Variants in HS3ST3A1 observed in about 807,000 individuals in gnomAD.
The protein encoded by HS3ST3A1 is heparan sulfate-glucosamine 3-sulfotransferase 3A1, also known as heparan sulfate glucosamine 3-O-sulfotransferase 3A1.
A neutral mutation model predicts 25.7 loss-of-function variants in HS3ST3A1; 19 were observed. The observed-to-expected ratio is 0.74, with a 90% CI of 0.52 to 1.08. HS3ST3A1 has a LOEUF of 1.08. HS3ST3A1 is among the 50% of genes least tolerant of loss of function. HS3ST3A1 has a pLI of 0.00. For synonymous variants in HS3ST3A1, 226 were observed against 278.6 expected (o/e 0.81, Z 1.88); for missense variants, 459 against 594.3 (o/e 0.77, Z 2.37).
chr17:13,524,360 C>A (rs928042930), intron 1 of HS3ST3A1, among the ~76,000 whole-genome samples: 1 of 152,194 alleles, frequency 6.6e-6, no homozygotes, highest in East Asian at 1.9e-4. Context: ...AGGGCTCAAG[C>A]GATCCTCCTG....
intron 1 of HS3ST3A1, among the ~76,000 whole-genome samples, chr17:13,505,604 G>A (rs377470149): frequency 6.6e-6 from 1 of 151,772 alleles, no homozygotes; most frequent in East Asian, 1.9e-4. Context: ...TAATCGGTGA[G>A]GCTAGATAGC....
rs542741208 is a variant in HS3ST3A1, at chr17:13,571,949, G to A, written c.599+28582C>T. Among the ~76,000 whole-genome samples the A allele has an allele frequency of 2.0e-5, 3 of 152,122 alleles. 1 individual carries two copies. The South Asian group carries it at 6.2e-4, about 32-fold the overall frequency. ...TAATTTTTGTATTTTTAGTACAGAC[G>A]GGGTTTCGCCACACTAGCCAGTTGG... is the stretch of plus-strand genomic sequence containing the variant. On this transcript the variant is annotated intron_variant, in intron 1 of 1. Coordinates refer to ENST00000284110, the MANE Select transcript of HS3ST3A1 (RefSeq NM_006042.3).
At chr17:13,527,152 C>A (rs1906457435) in intron 1 of HS3ST3A1, among the ~76,000 whole-genome samples, 1 of 152,126 alleles carries the variant, frequency 6.6e-6, no homozygotes, top group Non-Finnish European at 1.5e-5. Context: ...AGGACTGAAC[C>A]CAGACAGCCT....
intron 1 of HS3ST3A1, among the ~76,000 whole-genome samples, chr17:13,595,575 T>G (rs1313598635): frequency 6.6e-6 from 1 of 152,194 alleles, no homozygotes; most frequent in Non-Finnish European, 1.5e-5. Flanking sequence ...TAGAGGCACA[T>G]ATTTAATAAG....
intron 1 of HS3ST3A1, among the ~76,000 whole-genome samples, chr17:13,529,182 T>G (rs954770069): frequency 2.0e-5 from 3 of 152,206 alleles, no homozygotes; most frequent in Non-Finnish European, 4.4e-5. Context: ...TAGCACCTGC[T>G]ATTTGTTAAG....
intron 1 of HS3ST3A1, among the ~76,000 whole-genome samples, chr17:13,521,864 GATGGATA>G (rs1388185363): frequency 1.4e-4 from 21 of 152,160 alleles, no homozygotes; most frequent in Non-Finnish European, 2.8e-4. Context: ...GACGTTCCAG[GATGGATA>G]ATTCTTTGTT....
At position 13,517,985 on chromosome 17, in the gene HS3ST3A1, A is replaced by C. The variant is rs539391463; in HGVS notation, c.600-21167T>G. On this transcript the variant is annotated intron_variant, in intron 1 of 1. Coordinates refer to ENST00000284110, the MANE Select transcript of HS3ST3A1 (RefSeq NM_006042.3). ...ATAGAGTTTTATTATAGTTTATCAG[A>C]GTCAACTGGGAGAGGAAGGATTCTA... is the stretch of plus-strand genomic sequence containing the variant. 1.2e-4 allele frequency among the ~76,000 whole-genome samples: 18 copies of C among 152,302 alleles called. 1 individual carries two copies. The South Asian group carries it at 3.5e-3, about 30-fold the overall frequency.
At chr17:13,593,170 C>T (rs1567632517) in intron 1 of HS3ST3A1, among the ~76,000 whole-genome samples, 1 of 150,066 alleles carries the variant, frequency 6.7e-6, no homozygotes, top group East Asian at 2.0e-4. Context: ...CAGCTCTGGC[C>T]CTATCTATTT....
intron 1 of HS3ST3A1, among the ~76,000 whole-genome samples, chr17:13,541,299 G>T (rs1315057267): frequency 6.6e-6 from 1 of 152,186 alleles, no homozygotes; most frequent in Admixed American, 6.5e-5. Context: ...TCACTGGCGG[G>T]TGATGCTGAG....
chr17:13,529,302 A>G (rs1414892424), intron 1 of HS3ST3A1, among the ~76,000 whole-genome samples: 2 of 152,196 alleles, frequency 1.3e-5, no homozygotes, highest in Non-Finnish European at 2.9e-5. Context: ...AGAAAATGGC[A>G]GTTAATATTC....
intron 1 of HS3ST3A1, among the ~76,000 whole-genome samples, chr17:13,545,697 A>G (rs952216374): frequency 4.6e-5 from 7 of 152,214 alleles, no homozygotes; most frequent in African/African-American, 1.7e-4. Context: ...ACATCCAGCA[A>G]AATGCTAAAA....
intron 1 of HS3ST3A1, among the ~76,000 whole-genome samples, chr17:13,507,272 G>C (rs1012001654): frequency 6.6e-6 from 1 of 152,088 alleles, no homozygotes; most frequent in Non-Finnish European, 1.5e-5. Flanking sequence ...ATTATTTCTT[G>C]AGTCTCACAA....
chr17:13,498,181 T>C (rs1428386638), intron 1 of HS3ST3A1, among the ~76,000 whole-genome samples: 1 of 152,220 alleles, frequency 6.6e-6, no homozygotes, highest in Admixed American at 6.5e-5. Flanking sequence ...AATGGATTAA[T>C]AAGTATTCCT....
intron 1 of HS3ST3A1, among the ~76,000 whole-genome samples, chr17:13,534,050 A>G (rs1053190182): frequency 4.4e-4 from 67 of 152,258 alleles, no homozygotes; most frequent in African/African-American, 1.5e-3. Context: ...TTGTTATGAA[A>G]CCATAACCTG....
intron 1 of HS3ST3A1, among the ~76,000 whole-genome samples, chr17:13,562,224 G>T (rs1328068074): frequency 6.6e-6 from 1 of 152,164 alleles, no homozygotes; most frequent in East Asian, 1.9e-4. Context: ...GCCGCAGCCT[G>T]CAAGAGTGGA....
chr17:13,503,158 A>G (rs1429190833), intron 1 of HS3ST3A1, among the ~76,000 whole-genome samples: 2 of 138,364 alleles, frequency 1.4e-5, no homozygotes, highest in Non-Finnish European at 3.0e-5. Flanking sequence ...CTAGCAAGAG[A>G]GCAAGACTCC....
intron 1 of HS3ST3A1, among the ~76,000 whole-genome samples, chr17:13,560,329 CTACA>C (rs140966786): frequency 0.083 from 5,627 of 67,624 alleles, 162 homozygotes; most frequent in African/African-American, 0.11. Flanking sequence ...AGTGTATTAC[CTACA>C]TACTCTTCAA....
intron 1 of HS3ST3A1, among the ~76,000 whole-genome samples, chr17:13,521,585 C>T (rs1017905362): frequency 6.6e-6 from 1 of 152,160 alleles, no homozygotes; most frequent in South Asian, 2.1e-4. Flanking sequence ...AACGTTTAAC[C>T]TCAACGTGCC....
intron 1 of HS3ST3A1, among the ~76,000 whole-genome samples, chr17:13,532,047 T>C (rs1240855876): frequency 6.6e-6 from 1 of 152,170 alleles, no homozygotes; most frequent in African/African-American, 2.4e-5. Context: ...AGGCCAGGCT[T>C]GAATTAGCGG....
Sources: allele counts gnomAD v4.1 joint callset (sites outside exome capture counted in the v4.1 genomes callset), GRCh38; gene constraint gnomAD v4.1.1; transcripts MANE v1.5; gene names NCBI Gene and HGNC (gene_info 2026-07-23, HGNC 2026-07-21).